HAT1: variants seen among roughly 807,000 people sequenced by gnomAD.
HAT1 encodes the protein histone acetyltransferase type B catalytic subunit.
HAT1 carries 20 observed loss-of-function variants against 56.6 expected under a neutral mutation model. The observed-to-expected ratio is 0.35, with a 90% CI of 0.25 to 0.51. The LOEUF is 0.51. HAT1 is among the 20% of genes least tolerant of loss of function. HAT1 has a pLI of 0.95. For synonymous variants in HAT1, 146 were observed against 165.5 expected (o/e 0.88, Z 0.91); for missense variants, 408 against 504.3 (o/e 0.81, Z 1.83).
chr2:171,970,770 G>C (rs1323822476), intron 8 of HAT1, among the ~76,000 whole-genome samples: 2 of 150,186 alleles, frequency 1.3e-5, no homozygotes, highest in African/African-American at 2.4e-5. Flanking sequence ...CTCCGGCCTC[G>C]GCCTCCCCAA....
intron 7 of HAT1, 49 bp from the exon 8 acceptor site, chr2:171,966,794 A>T: frequency 1.1e-6 from 1 of 874,776 alleles, no homozygotes; most frequent in Non-Finnish European, 1.9e-6. Context: ...CAGGTTTTAA[A>T]CTGGTCATGT....
At chr2:171,961,175 T>G (rs1213690441) in intron 4 of HAT1, among the ~76,000 whole-genome samples, 1 of 152,118 alleles carries the variant, frequency 6.6e-6, no homozygotes, top group Non-Finnish European at 1.5e-5. Flanking sequence ...CATGATGGCA[T>G]GCTCCTGTAG....
At chr2:171,967,464 C>G (rs1304886298) in intron 8 of HAT1, among the ~76,000 whole-genome samples, 1 of 152,058 alleles carries the variant, frequency 6.6e-6, no homozygotes, top group Admixed American at 6.6e-5. Flanking sequence ...TTGGAAATGT[C>G]TTTCAGTATG....
intron 9 of HAT1, 114 bp downstream of exon 9, chr2:171,976,422 A>T: frequency 2.0e-6 from 1 of 509,726 alleles, no homozygotes; most frequent in Non-Finnish European, 3.2e-6. Context: ...GGAACTAGCA[A>T]TGGTTAACAG....
chr2:171,977,264 C>A (rs1437294000), intron 9 of HAT1, among the ~76,000 whole-genome samples: 3 of 151,316 alleles, frequency 2.0e-5, no homozygotes, highest in Non-Finnish European at 2.9e-5. Context: ...GAGTTCGAGA[C>A]CAGCCTGTCC....
chr2:171,945,871 T>C (rs1281074257), intron 2 of HAT1, among the ~76,000 whole-genome samples: 1 of 152,168 alleles, frequency 6.6e-6, no homozygotes, highest in Non-Finnish European at 1.5e-5. Flanking sequence ...GGTTTCACCA[T>C]GTTGGCCAGG....
At chr2:171,980,061 G>A (rs957383064) in intron 10 of HAT1, 1 of 152,230 alleles carries the variant, frequency 6.6e-6, no homozygotes, top group Middle Eastern at 3.2e-3. Context: ...AGGTTGCAGT[G>A]AGCTGAGATT....
chr2:171,946,065 A>G (rs1329548520), intron 2 of HAT1, among the ~76,000 whole-genome samples: 1 of 152,024 alleles, frequency 6.6e-6, no homozygotes, highest in African/African-American at 2.4e-5. Context: ...TGGCCTCCCA[A>G]AGTGCTGGGA....
intron 4 of HAT1, among the ~76,000 whole-genome samples, chr2:171,957,935 G>A (rs185765367): frequency 3.3e-5 from 5 of 152,250 alleles, no homozygotes; most frequent in African/African-American, 1.2e-4. Context: ...ACTTCATACT[G>A]TATGTCATAA....
At chr2:171,958,340 T>G (rs1164238700) in intron 4 of HAT1, among the ~76,000 whole-genome samples, 1 of 152,104 alleles carries the variant, frequency 6.6e-6, no homozygotes, top group Non-Finnish European at 1.5e-5. Context: ...CCGTTATTTT[T>G]TTTTTTAATT....
intron 1 of HAT1, chr2:171,924,728 A>G (rs1686537582): frequency 6.6e-6 from 1 of 152,046 alleles, no homozygotes; most frequent in Admixed American, 6.6e-5. Flanking sequence ...TTCTTTCTTT[A>G]CCCATGGTAA....
At chr2:171,927,810 A>G (rs760315054) in intron 2 of HAT1, among the ~76,000 whole-genome samples, 2 of 151,874 alleles carry the variant, frequency 1.3e-5, no homozygotes. Flanking sequence ...GTCTGTCTCA[A>G]ACTGACCAAG....
At chr2:171,977,541 ATATATATATATATATATTTTTTTTTTTT>A (rs1688009044) in intron 9 of HAT1, among the ~76,000 whole-genome samples, 5 of 43,794 alleles carry the variant, frequency 1.1e-4, no homozygotes, top group African/African-American at 2.7e-4. Flanking sequence ...ATATATATAT[ATATATATATATATATATTTTTTTTTTTT>A]TTTTTTTTTT....
intron 8 of HAT1, among the ~76,000 whole-genome samples, chr2:171,972,708 T>C (rs1687849217): frequency 6.6e-6 from 1 of 152,220 alleles, no homozygotes; most frequent in Admixed American, 6.5e-5. Context: ...CATGGCCCAG[T>C]TCCTGGTATC....
At chr2:171,981,218 T>C (rs1688126033) in intron 10 of HAT1, among the ~76,000 whole-genome samples, 1 of 152,018 alleles carries the variant, frequency 6.6e-6, no homozygotes, top group African/African-American at 2.4e-5. Flanking sequence ...GTGGGATGAT[T>C]GGCAGAATAT....
At chr2:171,943,410 C>A (rs1346068406) in intron 2 of HAT1, among the ~76,000 whole-genome samples, 37 of 58,660 alleles carry the variant, frequency 6.3e-4, no homozygotes, top group African/African-American at 1.6e-3. Context: ...GACTCTGTCT[C>A]AAAAAAAAAA....
intron 10 of HAT1, among the ~76,000 whole-genome samples, chr2:171,982,865 T>A (rs901434771): frequency 5.9e-5 from 9 of 152,194 alleles, no homozygotes; most frequent in African/African-American, 2.2e-4. Flanking sequence ...TTCTATCTAT[T>A]AAGCAAATAT....
At chr2:171,938,379 T>A (rs1282116426) in intron 2 of HAT1, among the ~76,000 whole-genome samples, 1 of 152,170 alleles carries the variant, frequency 6.6e-6, no homozygotes, top group Non-Finnish European at 1.5e-5. Flanking sequence ...GAGGGAGGTT[T>A]GCGGGGAATG....
intron 10 of HAT1, among the ~76,000 whole-genome samples, chr2:171,982,483 C>G (rs902205356): frequency 2.0e-5 from 3 of 152,176 alleles, no homozygotes; most frequent in Non-Finnish European, 2.9e-5. Context: ...CTGGCTTGAA[C>G]TACTGCAGTA....
Sources: gnomAD v4.1 joint callset for allele counts (sites outside exome capture counted in the v4.1 genomes callset) on GRCh38, gnomAD v4.1.1 for gene constraint, MANE v1.5 for transcripts, NCBI Gene and HGNC (gene_info 2026-07-23, HGNC 2026-07-21) for gene names.